Variants in FEZ1 observed in about 807,000 individuals in gnomAD.
FEZ1 encodes fasciculation and elongation protein zeta-1.
FEZ1 carries 20 observed loss-of-function variants against 49.3 expected under a neutral mutation model. That is an observed-to-expected ratio of 0.41 (90% confidence interval 0.29 to 0.59). The LOEUF (loss-of-function observed/expected upper bound fraction) is 0.59, where lower values mean the gene tolerates loss of function less well. Among genes scored for constraint, FEZ1 ranks in the 20% least tolerant of loss-of-function variants. FEZ1 has a pLI of 0.36. For missense variants in FEZ1, 413 were observed against 476.0 expected (o/e 0.87, Z 1.23); for synonymous variants, 170 against 180.9 (o/e 0.94, Z 0.48).
chr11:125,444,471 G>C lies in FEZ1; in HGVS notation c.*1624C>G, dbSNP rs1372268900. On this transcript the variant is annotated 3_prime_UTR_variant, in exon 10 of 10. Coordinates refer to ENST00000278919, the MANE Select transcript of FEZ1 (RefSeq NM_005103.5). ...GTGGTGCTGCATGCCTGTAATCCCA[G>C]CTACTCGGGAGGCTGAGGCAGGAGA... 6.6e-6 allele frequency among the ~76,000 whole-genome samples: 1 copy of C among 152,264 alleles called. No homozygotes were observed. The highest frequency in any genetic ancestry group is 2.1e-4 in the South Asian group (1 of 4,820).
rs1222405459 is a variant in FEZ1 at position 125,495,399 on chromosome 11, C to T, written c.-46+722G>A. On this transcript the variant is annotated intron_variant, in intron 1 of 9. Coordinates refer to ENST00000278919, the MANE Select transcript of FEZ1 (RefSeq NM_005103.5). The surrounding 1 kb of genome is among the most constrained non-coding windows in gnomAD (Gnocchi z 4.2). Reference sequence around the variant, plus strand: ...GCGGGCTGTGATACCTCCTCGACGCCGTCAAACACTGCTCCCCGCATTCCA... The same window carrying T: ...GCGGGCTGTGATACCTCCTCGACGCTGTCAAACACTGCTCCCCGCATTCCA... The T allele has an allele frequency of 4.2e-6, 2 of 470,776 alleles. No homozygotes were observed. Among genetic ancestry groups the T allele is most frequent in the Admixed American group, 4.7e-5 (2 of 42,566 alleles). The allele number at this position is 470,776 out of a possible 1,614,324, so 29.2% of individuals were successfully genotyped here.
chr11:125,495,629 G>C lies in FEZ1; in HGVS notation c.-46+492C>G, dbSNP rs1182335386. 2.2e-6 allele frequency: 1 copy of C among 456,440 alleles called. No homozygotes were observed. Among genetic ancestry groups the C allele is most frequent in the East Asian group, 7.0e-5 (1 of 14,220 alleles). 28.3% of individuals were successfully genotyped at this position (456,440 alleles called of 1,614,324 possible). On this transcript the variant is annotated intron_variant, in intron 1 of 9. Coordinates refer to ENST00000278919, the MANE Select transcript of FEZ1 (RefSeq NM_005103.5). The surrounding 1 kb of genome is among the most constrained non-coding windows in gnomAD (Gnocchi z 4.2). ...GCGGGGTCGGGGGTAAGTTTTTAGG[G>C]ACAAAGATGATCTTGGGGCGTTTAC...
At chr11:125,471,088 G>A (rs752514674) in intron 3 of FEZ1, among the ~76,000 whole-genome samples, 2 of 151,906 alleles carry the variant, frequency 1.3e-5, no homozygotes, top group African/African-American at 2.4e-5. Flanking sequence ...AGAAAAATAC[G>A]ACAAGGTATA....
intron 3 of FEZ1, among the ~76,000 whole-genome samples, chr11:125,464,729 A>G (rs200323537): frequency 1.5e-4 from 1 of 6,632 alleles, no homozygotes; most frequent in East Asian, 0.5. Flanking sequence ...ATTAAAAAAG[A>G]AAAAAAAAAT....
chr11:125,478,810 C>A (rs1234376482), intron 3 of FEZ1, among the ~76,000 whole-genome samples: 1 of 152,170 alleles, frequency 6.6e-6, no homozygotes, highest in Non-Finnish European at 1.5e-5. Context: ...TGAGGGAAAT[C>A]TGGAAATGAG....
intron 4 of FEZ1, among the ~76,000 whole-genome samples, chr11:125,462,515 A>C (rs918080186): frequency 1.3e-5 from 2 of 152,138 alleles, no homozygotes; most frequent in Admixed American, 1.3e-4. Context: ...CCCTTGTTTG[A>C]GTGTCTTGAC....
At chr11:125,481,059 A>AT (rs948867039) in intron 3 of FEZ1, among the ~76,000 whole-genome samples, 10 of 150,294 alleles carry the variant, frequency 6.7e-5, no homozygotes, top group Non-Finnish European at 1.2e-4. Context: ...AAAAAAAAAA[A>AT]GGAAAGTAAT....
intron 8 of FEZ1, among the ~76,000 whole-genome samples, chr11:125,451,760 ACT>A (rs1956960599): frequency 6.6e-6 from 1 of 152,164 alleles, no homozygotes; most frequent in Non-Finnish European, 1.5e-5. Context: ...TTTGTTACAC[ACT>A]GTTTTCCCTC....
chr11:125,460,419 A>G (rs1957062597), intron 5 of FEZ1, 79 bp downstream of exon 5: 2 of 1,303,136 alleles, frequency 1.5e-6, no homozygotes, highest in African/African-American at 1.5e-5. Context: ...TCTATTAGCC[A>G]TGTACAAAGC....
At chr11:125,450,022 C>A (rs890317204) in intron 8 of FEZ1, among the ~76,000 whole-genome samples, 43 of 149,430 alleles carry the variant, frequency 2.9e-4, no homozygotes, top group African/African-American at 1.0e-3. Flanking sequence ...GTCCTGGTTT[C>A]TTCTGGGTTT....
At position 125,456,063 on chromosome 11, in the gene FEZ1, G is replaced by A. The variant is rs371198938; in HGVS notation, c.711C>T (p.Asp237=). 9 of 1,610,632 alleles carry A rather than the reference G, an allele frequency of 5.6e-6. No individual in the cohort carries two copies. Among genetic ancestry groups the A allele is most frequent in the African/African-American group, 1.3e-5 (1 of 74,628 alleles). Residue 237 remains aspartate, a synonymous_variant, in exon 6 of 10, where the codon GAC becomes GAT. Coordinates refer to ENST00000278919, the MANE Select transcript of FEZ1 (RefSeq NM_005103.5). ...MSGSELTELL[D]QVEGAIRDFS... ...AGTCACGGATGGCACCCTCCACCTG[G>A]TCCAGCAGCTCGGTCAGCTCAGACC... is the stretch of plus-strand genomic sequence containing the variant.
chr11:125,458,427 G>A (rs1043377815), intron 5 of FEZ1, among the ~76,000 whole-genome samples: 1 of 152,168 alleles, frequency 6.6e-6, no homozygotes, highest in African/African-American at 2.4e-5. Context: ...CTATAAACCT[G>A]TGTCAGAGAG....
In FEZ1 at chr11:125,488,387, TC is replaced by T. The variant is rs553353079; in HGVS notation, c.311+1079del. Reference sequence around the variant, plus strand: ...CATTAACTGGGGGTCTTAAAACATATCCCCCACCATGGGCCAGGTGTGGTGA... The same window carrying T: ...CATTAACTGGGGGTCTTAAAACATATCCCCACCATGGGCCAGGTGTGGTGA... On this transcript the variant is annotated intron_variant, in intron 2 of 9. Coordinates refer to ENST00000278919, the MANE Select transcript of FEZ1 (RefSeq NM_005103.5). Among the ~76,000 whole-genome samples the T allele has an allele frequency of 1.2e-3, 182 of 152,086 alleles. 1 individual carries two copies. The highest frequency in any genetic ancestry group is 2.2e-3 in the Non-Finnish European group (147 of 67,970).
chr11:125,446,631 G>T (rs1237094241), intron 9 of FEZ1, among the ~76,000 whole-genome samples: 10 of 130,702 alleles, frequency 7.7e-5, no homozygotes, highest in African/African-American at 1.6e-4. Context: ...CCTTTCTGTG[G>T]TTTTTTGTGT....
At position 125,489,715 on chromosome 11, in the gene FEZ1, C is replaced by T. The variant is rs760473481; in HGVS notation, c.63G>A (p.Glu21=). ...AACACTGGGGCTTCTCCTCCGGGTC[C>T]TCCGAGCAGGAGGGTCGAAGGTCCT... ...EFEDLRPSCS[E]DPEEKPQCFY... The change falls in exon 2 of 10, where the codon GAG becomes GAA. Residue 21 remains glutamate, a synonymous_variant. Coordinates refer to ENST00000278919, the MANE Select transcript of FEZ1 (RefSeq NM_005103.5). This position sits in a 1 kb window ranked among gnomAD's most constrained non-coding sequence, Gnocchi z 4.2. 2 of 1,608,532 alleles carry T rather than the reference C, an allele frequency of 1.2e-6. No homozygotes were observed. Among genetic ancestry groups the T allele is most frequent in the Non-Finnish European group, 1.7e-6 (2 of 1,177,006 alleles).
intron 3 of FEZ1, among the ~76,000 whole-genome samples, chr11:125,468,604 G>A (rs1315206700): frequency 2.6e-5 from 4 of 152,162 alleles, no homozygotes; most frequent in Admixed American, 2.6e-4. Context: ...CTACTAAAAT[G>A]AGAGTCAAGG....
chr11:125,456,511 G>A (rs907534398), intron 5 of FEZ1, among the ~76,000 whole-genome samples: 2 of 152,202 alleles, frequency 1.3e-5, no homozygotes, highest in Non-Finnish European at 2.9e-5. Flanking sequence ...CAATAGAGAC[G>A]TTGGTGCTTA....
chr11:125,463,268 T>C (rs1326767353), intron 4 of FEZ1: 1 of 334,230 alleles, frequency 3.0e-6, no homozygotes, highest in Non-Finnish European at 5.4e-6. Flanking sequence ...ATCACGCCAC[T>C]GCACTCCAGC....
intron 5 of FEZ1, 174 bp from the exon 6 acceptor site, chr11:125,456,280 G>A (rs1957010557): frequency 3.2e-6 from 2 of 616,628 alleles, no homozygotes; most frequent in Non-Finnish European, 5.4e-6. Context: ...AGGAAGGCGG[G>A]GGCCTGTGTA....
Sources: allele counts gnomAD v4.1 joint callset (sites outside exome capture counted in the v4.1 genomes callset), GRCh38; gene constraint gnomAD v4.1.1; non-coding constraint Gnocchi (gnomAD v3.1); transcripts MANE v1.5; gene names NCBI Gene and HGNC (gene_info 2026-07-23, HGNC 2026-07-21).